Variants in TBX5 observed in about 807,000 individuals in gnomAD.
TBX5 encodes T-box transcription factor 5.
Under a neutral mutation model 51.1 loss-of-function variants are expected in TBX5, and 8 were observed. The ratio of observed to expected loss-of-function variants is 0.16; its 90% CI spans 0.09 to 0.28. The LOEUF is 0.28. Ranked by LOEUF, TBX5 falls within the 10% of genes least tolerant of loss-of-function variation. TBX5 has a pLI of 1.00. For synonymous variants in TBX5, 302 were observed against 266.4 expected (o/e 1.13, Z -1.30); for missense variants, 589 against 671.7 (o/e 0.88, Z 1.36).
intron 6 of TBX5, 100 bp downstream of exon 6, chr12:114,394,641 G>T: frequency 6.5e-7 from 1 of 1,544,234 alleles, no homozygotes. Context: ...GGTGACTGCT[G>T]CCATTCAGAG....
At chr12:114,406,831 C>T (rs540109313), upstream of TBX5, among the ~76,000 whole-genome samples, 1 of 151,642 alleles carries the variant, frequency 6.6e-6, no homozygotes. Context: ...TCTCCTTGCC[C>T]TTTCCCTCTC....
intron 7 of TBX5, among the ~76,000 whole-genome samples, chr12:114,370,790 T>A (rs573955935): frequency 1.2e-4 from 19 of 152,276 alleles, no homozygotes; most frequent in African/African-American, 4.1e-4. Context: ...CATGACATTT[T>A]AAAAATTTTT....
intron 6 of TBX5, among the ~76,000 whole-genome samples, chr12:114,388,181 G>A (rs986211938): frequency 1.3e-5 from 2 of 151,984 alleles, no homozygotes; most frequent in East Asian, 1.9e-4. Flanking sequence ...TTTTTGAGAC[G>A]GAGTCTCACT....
Position 114,405,700 on chromosome 12 carries a change from G to A in TBX5, c.-111C>T. 1.0e-6 allele frequency: 1 copy of A among 985,568 alleles called. No homozygotes were observed. The highest frequency in any genetic ancestry group is 1.2e-6 in the Non-Finnish European group (1 of 830,050). The allele number at this position is 985,568 out of a possible 1,614,324, so 61.1% of individuals were successfully genotyped here. A position where few individuals can be genotyped will look rare whatever the true frequency, so the allele number is the denominator to read the frequency against. ...GCAGGGAAGCCGGCGGTGAGGCGGG[G>A]GAGCAGGCATGGTGGCTCCGGGGTT... On this transcript the variant is annotated 5_prime_UTR_variant, in exon 1 of 9. Transcript: ENST00000405440.
At chr12:114,363,709 T>C (rs932850684) in intron 8 of TBX5, among the ~76,000 whole-genome samples, 11 of 152,200 alleles carry the variant, frequency 7.2e-5, no homozygotes, top group Admixed American at 6.5e-4. Flanking sequence ...CAAGAACCAC[T>C]GGCAGTTTTT....
At chr12:114,361,346 ATC>A (rs1201091564) in intron 8 of TBX5, among the ~76,000 whole-genome samples, 2 of 152,192 alleles carry the variant, frequency 1.3e-5, no homozygotes, top group East Asian at 3.9e-4. Context: ...TCCCCTCTCA[ATC>A]TCTAACTTTC....
intron 7 of TBX5, among the ~76,000 whole-genome samples, chr12:114,367,443 G>A (rs1054939343): frequency 1.3e-5 from 2 of 152,060 alleles, no homozygotes; most frequent in South Asian, 2.1e-4. Context: ...GCATCCCTCA[G>A]TGTGCTCAAA....
chr12:114,379,019 C>T (rs1252135606), intron 7 of TBX5, among the ~76,000 whole-genome samples: 1 of 152,154 alleles, frequency 6.6e-6, no homozygotes, highest in Non-Finnish European at 1.5e-5. Context: ...CTAGAGAGGC[C>T]ACATTCTGAT....
intron 1 of TBX5, among the ~76,000 whole-genome samples, chr12:114,404,774 AG>A (rs1334952848): frequency 1.3e-5 from 2 of 152,104 alleles, no homozygotes; most frequent in Admixed American, 6.5e-5. Context: ...CCAGGCCGAA[AG>A]GGGTTTCTCT....
rs1373861544 is a variant in TBX5, at chr12:114,355,380, C to T, written c.*152G>A. The T allele has an allele frequency of 2.1e-6, 2 of 939,748 alleles. No individual in the cohort carries two copies. Among genetic ancestry groups the T allele is most frequent in the East Asian group, 2.6e-5 (1 of 38,210 alleles). 58.2% of individuals were successfully genotyped at this position (939,748 alleles called of 1,614,324 possible). A position where few individuals can be genotyped will look rare whatever the true frequency, so the allele number is the denominator to read the frequency against. ...GGTTTCAAGCTACTGATTAGATCAGCATCCAGCGACCTTGAGTGCAGATGT... is the reference window on the plus strand; with the variant it reads ...GGTTTCAAGCTACTGATTAGATCAGTATCCAGCGACCTTGAGTGCAGATGT... On this transcript the variant is annotated 3_prime_UTR_variant, in exon 9 of 9. Transcript: ENST00000405440.
intron 8 of TBX5, among the ~76,000 whole-genome samples, chr12:114,364,757 T>C (rs560932779): frequency 8.5e-5 from 13 of 152,324 alleles, no homozygotes; most frequent in Non-Finnish European, 1.5e-4. Context: ...TACTGCGTAC[T>C]TGCTAACTAT....
intron 8 of TBX5, among the ~76,000 whole-genome samples, chr12:114,358,241 G>A (rs573946679): frequency 6.3e-4 from 96 of 152,310 alleles, no homozygotes; most frequent in African/African-American, 2.0e-3. Flanking sequence ...TATTGTGCCA[G>A]GTGCTGGAGA....
At chr12:114,408,086 C>T, upstream of TBX5, 1 of 985,428 alleles carries the variant, frequency 1.0e-6, no homozygotes, top group Non-Finnish European at 1.2e-6. Context: ...AGCCGCTGCA[C>T]CTATAGGACT....
At chr12:114,408,252 A>G, upstream of TBX5, 1 of 977,590 alleles carries the variant, frequency 1.0e-6, no homozygotes, top group Non-Finnish European at 1.2e-6. Context: ...AAATAAAGAC[A>G]TAAACCAACC....
chr12:114,408,282 G>A, upstream of TBX5: 1 of 905,910 alleles, frequency 1.1e-6, no homozygotes, highest in Non-Finnish European at 1.3e-6. Context: ...CCGGAGGAAT[G>A]AGGGTGATGA....
chr12:114,392,475 C>T (rs148749413), intron 6 of TBX5, among the ~76,000 whole-genome samples: 1 of 152,090 alleles, frequency 6.6e-6, no homozygotes, highest in Non-Finnish European at 1.5e-5. Flanking sequence ...CCACATCTAT[C>T]CACACCTGAT....
intron 5 of TBX5, among the ~76,000 whole-genome samples, chr12:114,397,950 T>C (rs1434349881): frequency 2.0e-5 from 3 of 152,158 alleles, no homozygotes; most frequent in Non-Finnish European, 4.4e-5. Context: ...AGGGAAGGTA[T>C]ATGGCTTTCA....
chr12:114,404,441 G>A (rs1215713851), intron 1 of TBX5, among the ~76,000 whole-genome samples: 2 of 151,824 alleles, frequency 1.3e-5, no homozygotes, highest in Non-Finnish European at 2.9e-5. Context: ...TTCTGCAGCA[G>A]GCAGAAATGT....
intron 7 of TBX5, among the ~76,000 whole-genome samples, chr12:114,373,362 G>T (rs370329556): frequency 6.6e-6 from 1 of 152,166 alleles, no homozygotes; most frequent in East Asian, 1.9e-4. Flanking sequence ...TGGATTCTGC[G>T]GGTAAAAGCT....
Sources: gnomAD v4.1 joint callset for allele counts (sites outside exome capture counted in the v4.1 genomes callset) on GRCh38, gnomAD v4.1.1 for gene constraint, MANE v1.5 for transcripts, NCBI Gene and HGNC (gene_info 2026-07-23, HGNC 2026-07-21) for gene names.